Variants in ECE1 observed in about 807,000 individuals in gnomAD.
The protein encoded by ECE1 is endothelin-converting enzyme 1.
ECE1 carries 35 observed loss-of-function variants against 98.6 expected under a neutral mutation model. The observed-to-expected ratio is 0.35, with a 90% CI of 0.27 to 0.47. The LOEUF is 0.47. Among genes scored for constraint, ECE1 ranks in the 20% least tolerant of loss-of-function variants. ECE1 has a pLI of 1.00. For synonymous variants in ECE1, 394 were observed against 407.1 expected, an observed-to-expected ratio of 0.97 and a Z score of 0.39; for missense variants, 814 against 1,025.3, an observed-to-expected ratio of 0.79 and a Z score of 2.81.
rs139947235 is a variant in ECE1, at chr1:21,233,168, C to A, written c.1670+390G>T. ...TTGCTGGGGCCTCCTTGGGGTCTGGCGCTCCCCAGAGGTCCTCACATTTGA... is the reference window on the plus strand; with the variant it reads ...TTGCTGGGGCCTCCTTGGGGTCTGGAGCTCCCCAGAGGTCCTCACATTTGA... On this transcript the variant is annotated intron_variant, in intron 14 of 18. Coordinates refer to ENST00000374893, the MANE Select transcript of ECE1 (RefSeq NM_001397.3). This position sits in a 1 kb window ranked among gnomAD's most constrained non-coding sequence, Gnocchi z 4.0. The A allele has an allele frequency of 1.9e-3, 368 of 191,626 alleles. 1 individual carries two copies. Among genetic ancestry groups the A allele is most frequent in the African/African-American group, 8.3e-3 (355 of 42,654 alleles). The allele number at this position is 191,626 out of a possible 1,614,324, so 11.9% of individuals were successfully genotyped here. A position where few individuals can be genotyped will look rare whatever the true frequency, so the allele number is the denominator to read the frequency against.
At chr1:21,234,123 G>A (rs1041958708) in intron 13 of ECE1, among the ~76,000 whole-genome samples, 7 of 151,876 alleles carry the variant, frequency 4.6e-5, no homozygotes, top group Non-Finnish European at 1.0e-4. Context: ...GAGTAGCTGG[G>A]ATTACAGGCG....
chr1:21,344,578 C>G (rs935932066), intron 1 of ECE1, among the ~76,000 whole-genome samples: 5 of 152,152 alleles, frequency 3.3e-5, no homozygotes, highest in Non-Finnish European at 2.9e-5. Flanking sequence ...AACAGCCCCC[C>G]CCCAGGAAGC....
In ECE1 at chr1:21,259,122, G is replaced by A. The variant is rs28367979; in HGVS notation, c.616-283C>T. Among the ~76,000 whole-genome samples, 1,512 of 152,208 alleles carry A rather than the reference G, an allele frequency of 9.9e-3. 15 individuals are homozygous for A. The highest frequency in any genetic ancestry group is 0.026 in the African/African-American group (1,079 of 41,536). ...TGAGAATGGGAAAGAGACTTTTCCC[G>A]GTTCACGGTTTATATTTTGGATAAT... On this transcript the variant is annotated intron_variant, in intron 5 of 18. Coordinates refer to ENST00000374893, the MANE Select transcript of ECE1 (RefSeq NM_001397.3).
At chr1:21,321,895 C>T (rs2103403085) in intron 1 of ECE1, among the ~76,000 whole-genome samples, 1 of 152,298 alleles carries the variant, frequency 6.6e-6, no homozygotes, top group East Asian at 1.9e-4. Flanking sequence ...GGATTACAGG[C>T]ATGAGCCACC....
chr1:21,334,005 C>T (rs990418361), intron 1 of ECE1, among the ~76,000 whole-genome samples: 2 of 152,124 alleles, frequency 1.3e-5, no homozygotes, highest in African/African-American at 2.4e-5. Context: ...AGGAGAAAAC[C>T]GAGGCTCAGA....
intron 3 of ECE1, among the ~76,000 whole-genome samples, chr1:21,276,402 G>C (rs1318669840): frequency 6.6e-6 from 1 of 152,206 alleles, no homozygotes; most frequent in Non-Finnish European, 1.5e-5. Context: ...TGCAGAGGCA[G>C]CAAACATTTC....
chr1:21,332,828 C>T (rs1426240383), intron 1 of ECE1, among the ~76,000 whole-genome samples: 1 of 48,916 alleles, frequency 2.0e-5, no homozygotes, highest in African/African-American at 9.0e-5. Context: ...AAGGGGGCTG[C>T]GGGAACACAG....
rs1373747961 is a variant in ECE1 at position 21,327,174 on chromosome 1, A to C, written c.3+18202T>G. On this transcript the variant is annotated intron_variant, in intron 1 of 18. Transcript: ENST00000415912. The surrounding 1 kb of genome is among the most constrained non-coding windows in gnomAD (Gnocchi z 4.6). ...TGGGGAGGGACGAAGCCACCAGGAG[A>C]CTGGGAAGAGGGACTCTGCCAGAGC... 2.0e-5 allele frequency among the ~76,000 whole-genome samples: 3 copies of C among 152,162 alleles called. No homozygotes were observed. The highest frequency in any genetic ancestry group is 4.4e-5 in the Non-Finnish European group (3 of 68,010).
intron 17 of ECE1, among the ~76,000 whole-genome samples, chr1:21,223,450 G>C (rs2098169965): frequency 6.6e-6 from 1 of 151,932 alleles, no homozygotes; most frequent in African/African-American, 2.4e-5. Context: ...CACCACACTT[G>C]GCTATTTTTT....
chr1:21,262,379 A>T (rs558695698), intron 4 of ECE1, among the ~76,000 whole-genome samples: 1 of 152,290 alleles, frequency 6.6e-6, no homozygotes, highest in African/African-American at 2.4e-5. Context: ...GATCAGGGAG[A>T]GCAAAAGGGG....
Position 21,255,956 on chromosome 1 carries a change from G to T in ECE1, c.1011C>A (p.Ala337=). 6.2e-7 allele frequency: 1 copy of T among 1,613,980 alleles called. No homozygotes were observed. The highest frequency in any genetic ancestry group is 8.5e-7 in the Non-Finnish European group (1 of 1,179,974). Residue 337 remains alanine, a synonymous_variant, in exon 8 of 19, where the codon GCC becomes GCA. Transcript: ENST00000374893. ...EELIYHKVTA[A]ELQTLAPAIN... ...CCGGCGCTCAAGTTACCTGCAGCTC[G>T]GCTGCCGTCACTTTGTGGTAGATGA...
At chr1:21,297,066 C>T (rs1008479050) in intron 1 of ECE1, among the ~76,000 whole-genome samples, 1 of 152,212 alleles carries the variant, frequency 6.6e-6, no homozygotes, top group African/African-American at 2.4e-5. Flanking sequence ...CCCTGCCAGC[C>T]TGTGAGCCAA....
intron 4 of ECE1, among the ~76,000 whole-genome samples, chr1:21,271,884 C>A (rs212549): frequency 4.6e-5 from 7 of 151,852 alleles, no homozygotes; most frequent in African/African-American, 7.3e-5. Flanking sequence ...TTCCCGCCTA[C>A]ACTGAATAAC....
rs1464947507 is a variant in ECE1 at position 21,224,148 on chromosome 1, C to G, written c.2040+1102G>C. Among the ~76,000 whole-genome samples, 4 of 152,190 alleles carry G rather than the reference C, an allele frequency of 2.6e-5. No homozygotes were observed. The East Asian group carries it at 7.8e-4, about 30-fold the overall frequency. ...CTTCCTCTTGCTGAGACCATTTTCC[C>G]CAGCTTTTCCCAGGCTCTTCCTCAT... On this transcript the variant is annotated intron_variant, in intron 17 of 18. Transcript: ENST00000374893.
intron 4 of ECE1, among the ~76,000 whole-genome samples, chr1:21,271,499 T>C (rs2098240190): frequency 6.6e-6 from 1 of 152,204 alleles, no homozygotes. Context: ...ATCTAGGTTC[T>C]GTTGTTGATG....
chr1:21,289,923 G>A (rs1014920865), intron 2 of ECE1, 147 bp downstream of exon 2: 28 of 1,067,680 alleles, frequency 2.6e-5, no homozygotes, highest in Non-Finnish European at 3.2e-5. Context: ...CAGCTGCGGG[G>A]AGGCGCGGCC....
chr1:21,337,502 G>A (rs1208467699), intron 1 of ECE1, among the ~76,000 whole-genome samples: 1 of 152,208 alleles, frequency 6.6e-6, no homozygotes, highest in African/African-American at 2.4e-5. Context: ...TAAAACGTGA[G>A]CTGTACAAGA....
At chr1:21,305,243 G>A (rs2103383363) in intron 1 of ECE1, among the ~76,000 whole-genome samples, 1 of 152,306 alleles carries the variant, frequency 6.6e-6, no homozygotes, top group East Asian at 1.9e-4. Flanking sequence ...TGTACACACA[G>A]TCTACAAAGC....
At chr1:21,312,872 A>G (rs2103392586) in intron 1 of ECE1, among the ~76,000 whole-genome samples, 1 of 152,242 alleles carries the variant, frequency 6.6e-6, no homozygotes, top group East Asian at 1.9e-4. Context: ...ATAGGTAGCT[A>G]TGAGAATTAA....
Sources: allele counts gnomAD v4.1 joint callset (sites outside exome capture counted in the v4.1 genomes callset), GRCh38; gene constraint gnomAD v4.1.1; non-coding constraint Gnocchi (gnomAD v3.1); transcripts MANE v1.5; gene names NCBI Gene and HGNC (gene_info 2026-07-23, HGNC 2026-07-21).